Variants in ARFGEF1 observed in about 807,000 individuals in gnomAD.
ARFGEF1 encodes the protein brefeldin A-inhibited guanine nucleotide-exchange protein 1.
A neutral mutation model predicts 231.0 loss-of-function variants in ARFGEF1; 42 were observed. The ratio of observed to expected loss-of-function variants is 0.18; its 90% CI spans 0.14 to 0.24. The LOEUF is 0.24. Among genes scored for constraint, ARFGEF1 ranks in the 10% least tolerant of loss-of-function variants. The probability of loss-of-function intolerance (pLI) is 1.00; values close to 1 mark genes in which losing one functional copy is unlikely to be tolerated. For missense variants in ARFGEF1, 1,345 were observed against 2,192.0 expected (o/e 0.61, Z 7.72); for synonymous variants, 710 against 732.3 (o/e 0.97, Z 0.49).
intron 1 of ARFGEF1, among the ~76,000 whole-genome samples, chr8:67,338,387 G>A (rs1247748750): frequency 6.6e-6 from 1 of 152,176 alleles, no homozygotes; most frequent in Non-Finnish European, 1.5e-5. Context: ...ACATATCCTA[G>A]GGGAGTTAAC....
chr8:67,201,812 T>C (rs917717272), intron 36 of ARFGEF1: 4 of 586,064 alleles, frequency 6.8e-6, no homozygotes, highest in South Asian at 4.3e-5. Flanking sequence ...ATAAAAAAAC[T>C]TGTGGCCTGG....
chr8:67,224,977 C>G lies in ARFGEF1; in HGVS notation c.4134G>C (p.Trp1378Cys). The change falls in exon 29 of 39, where the codon TGG (tryptophan) becomes TGC (cysteine). Residue 1378 changes from tryptophan (W) to cysteine (C), a missense_variant. Around this residue, in one of 14 missense-constraint regions of ARFGEF1, gnomAD observed 142 missense variants for 227.3 expected, o/e 0.62. Coordinates refer to ENST00000262215, the MANE Select transcript of ARFGEF1 (RefSeq NM_006421.5). ...DMNVAPEDRV[W>C]VRGWFPILFE... is the part of the protein sequence containing the mutation. ...AGAGAATTGGGAACCATCCTCTCAC[C>G]CACACCCTGTCTTCAGGTGCTACGT... The G allele has an allele frequency of 6.2e-7, 1 of 1,606,704 alleles. No individual in the cohort carries two copies. Among genetic ancestry groups the G allele is most frequent in the Non-Finnish European group, 8.5e-7 (1 of 1,176,488 alleles).
intron 25 of ARFGEF1, among the ~76,000 whole-genome samples, 159 bp downstream of exon 25, chr8:67,227,804 T>C (rs906061824): frequency 2.0e-5 from 3 of 151,958 alleles, no homozygotes; most frequent in African/African-American, 7.2e-5. Flanking sequence ...AGAGCAATCA[T>C]TTCTAAAAAG....
At chr8:67,328,466 CTCT>C (rs1807943050) in intron 1 of ARFGEF1, among the ~76,000 whole-genome samples, 1 of 78,086 alleles carries the variant, frequency 1.3e-5, no homozygotes, top group African/African-American at 4.8e-5. Context: ...TCTCCAGCAT[CTCT>C]CTGATTATTG....
At chr8:67,175,784 T>C (rs930976291) in intron 5 of ARFGEF1, among the ~76,000 whole-genome samples, 1 of 152,228 alleles carries the variant, frequency 6.6e-6, no homozygotes, top group Admixed American at 6.5e-5. Flanking sequence ...GTGTCGGGCA[T>C]TTGCCTACTG....
At chr8:67,192,716 T>C (rs1398422721), downstream of ARFGEF1, among the ~76,000 whole-genome samples, 1 of 152,238 alleles carries the variant, frequency 6.6e-6, no homozygotes, top group African/African-American at 2.4e-5. Flanking sequence ...TCCAAGTCCA[T>C]TCTTTTGCAT....
rs1204678816 is a variant in ARFGEF1, at chr8:67,244,266, A to ACAAAAC, written c.2851-3977_2851-3976insGTTTTG. On this transcript the variant is annotated intron_variant, in intron 19 of 38. Transcript: ENST00000262215. The stretch of plus-strand genomic sequence containing the variant: ...TCAAAAAAAAAAAAAAAAAAAAAAA[A>ACAAAAC]AACATTCGACTACTGAGTCTCTCGT... 2.3e-4 allele frequency among the ~76,000 whole-genome samples: 4 copies of ACAAAAC among 17,208 alleles called. 1 individual carries two copies. The highest frequency in any genetic ancestry group is 1.2e-3 in the African/African-American group (4 of 3,398). 11.3% of individuals were successfully genotyped at this position (17,208 alleles called of 152,430 possible).
intron 34 of ARFGEF1, among the ~76,000 whole-genome samples, chr8:67,205,124 T>C (rs1217881376): frequency 6.6e-6 from 1 of 152,224 alleles, no homozygotes; most frequent in Non-Finnish European, 1.5e-5. Context: ...TCATAAACTT[T>C]CTTAAAACAT....
At chr8:67,216,761 C>A in intron 32 of ARFGEF1, 99 bp from the exon 33 acceptor site, 2 of 835,852 alleles carry the variant, frequency 2.4e-6, no homozygotes, top group Admixed American at 3.0e-5. Flanking sequence ...AAGAACATAC[C>A]AACTAAACAG....
chr8:67,282,574 G>A (rs11995853), intron 7 of ARFGEF1, among the ~76,000 whole-genome samples: 11,135 of 151,974 alleles, frequency 0.073, 781 homozygotes, highest in African/African-American at 0.18. Context: ...TAGGCCAGGC[G>A]CGGTGGCTCA....
At chr8:67,289,549 CAA>C (rs552601455) in intron 6 of ARFGEF1, among the ~76,000 whole-genome samples, 126 of 44,836 alleles carry the variant, frequency 2.8e-3, no homozygotes, top group African/African-American at 4.9e-3. Flanking sequence ...ACTCTGTATC[CAA>C]AAAAAAAAAA....
chr8:67,310,868 C>T (rs1294104273), intron 1 of ARFGEF1, among the ~76,000 whole-genome samples: 2 of 151,882 alleles, frequency 1.3e-5, no homozygotes, highest in Non-Finnish European at 2.9e-5. Flanking sequence ...TGGCAGCTGC[C>T]CCGTCTGAGA....
At chr8:67,274,550 ATCTTTTCAAAACCAGATCAC>A (rs1307325477) in intron 9 of ARFGEF1, among the ~76,000 whole-genome samples, 2 of 152,102 alleles carry the variant, frequency 1.3e-5, no homozygotes, top group Non-Finnish European at 2.9e-5. Context: ...TAAAGATAGC[ATCTTTTCAAAACCAGATCAC>A]TCTTTTTTTC....
chr8:67,224,897 T>A lies in ARFGEF1; in HGVS notation c.4208+6A>T. On this transcript the variant is annotated splice_donor_region_variant and intron_variant, in intron 29 of 38. Transcript: ENST00000262215. The stretch of plus-strand genomic sequence containing the variant: ...CAAAATTTTAATTACAAATATAGAT[T>A]GTTACCTGGTTCTTACATCTAATTT... The A allele has an allele frequency of 3.3e-6, 5 of 1,533,556 alleles. No individual in the cohort carries two copies. The highest frequency in any genetic ancestry group is 4.2e-5 in the Admixed American group (2 of 48,076). The allele number at this position is 1,533,556 out of a possible 1,614,324, so 95.0% of individuals were successfully genotyped here.
intron 1 of ARFGEF1, among the ~76,000 whole-genome samples, chr8:67,336,361 A>T (rs1489978872): frequency 1.3e-5 from 2 of 152,248 alleles, no homozygotes; most frequent in African/African-American, 4.8e-5. Context: ...GAATAAAGAA[A>T]TCAAAATGGG....
At chr8:67,338,989 T>G (rs982129467) in intron 1 of ARFGEF1, among the ~76,000 whole-genome samples, 1 of 152,166 alleles carries the variant, frequency 6.6e-6, no homozygotes, top group Non-Finnish European at 1.5e-5. Flanking sequence ...TCCCCTCCAC[T>G]GACGTATCTT....
At chr8:67,226,830 T>C (rs1377251110) in intron 27 of ARFGEF1, among the ~76,000 whole-genome samples, 3 of 152,120 alleles carry the variant, frequency 2.0e-5, no homozygotes, top group Non-Finnish European at 2.9e-5. Context: ...TGACCTTACA[T>C]AGACTGCTTA....
chr8:67,267,243 A>G lies in ARFGEF1; in HGVS notation c.1673-13T>C. ...ACACTCTGAGCATCTGTAACAATAT[A>G]ACATTAATTTCAACAAAGTACATCT... On this transcript the variant is annotated splice_polypyrimidine_tract_variant and intron_variant, in intron 11 of 38. Coordinates refer to ENST00000262215, the MANE Select transcript of ARFGEF1 (RefSeq NM_006421.5). The G allele has an allele frequency of 6.2e-7, 1 of 1,610,014 alleles. No homozygotes were observed. Among genetic ancestry groups the G allele is most frequent in the Non-Finnish European group, 8.5e-7 (1 of 1,178,444 alleles).
At chr8:67,247,210 G>C (rs568835108) in intron 19 of ARFGEF1, among the ~76,000 whole-genome samples, 11 of 149,916 alleles carry the variant, frequency 7.3e-5, no homozygotes, top group Non-Finnish European at 1.5e-4. Flanking sequence ...CTGAGAAACA[G>C]AGTAGGAAGG....
Sources: gnomAD v4.1 joint callset for allele counts (sites outside exome capture counted in the v4.1 genomes callset) on GRCh38, gnomAD v4.1.1 for gene constraint, gnomAD v4.1.1 regional missense constraint, MANE v1.5 for transcripts, NCBI Gene and HGNC (gene_info 2026-07-23, HGNC 2026-07-21) for gene names.